The following VMP1 variants were observed in gnomAD, a reference collection of about 807,000 sequenced individuals.
VMP1 encodes the protein ectopic P-granules autophagy protein 3 homolog.
Under a neutral mutation model 56.0 loss-of-function variants are expected in VMP1, and 11 were observed. The observed-to-expected ratio is 0.20, with a 90% CI of 0.12 to 0.32. The LOEUF (loss-of-function observed/expected upper bound fraction) is 0.32. Ranked by LOEUF, VMP1 falls within the 10% of genes least tolerant of loss-of-function variation. VMP1 has a pLI of 1.00. For missense variants in VMP1, 296 were observed against 490.3 expected, an observed-to-expected ratio of 0.60 and a Z score of 3.74; for synonymous variants, 149 against 165.0, an observed-to-expected ratio of 0.90 and a Z score of 0.74.
chr17:59,824,571 T>TAA (rs35033232), intron 10 of VMP1, among the ~76,000 whole-genome samples: 48 of 95,578 alleles, frequency 5.0e-4, no homozygotes, highest in South Asian at 1.0e-3. Flanking sequence ...AGACTCCTTC[T>TAA]AAAAAAAAAA....
At chr17:59,794,923 A>G (rs979869187) in intron 7 of VMP1, among the ~76,000 whole-genome samples, 1 of 151,964 alleles carries the variant, frequency 6.6e-6, no homozygotes, top group Non-Finnish European at 1.5e-5. Flanking sequence ...GAGAAGTAAT[A>G]GCACCCATTT....
intron 9 of VMP1, among the ~76,000 whole-genome samples, chr17:59,812,277 G>T (rs1213257100): frequency 6.6e-6 from 1 of 152,012 alleles, no homozygotes; most frequent in Non-Finnish European, 1.5e-5. Flanking sequence ...ATCCTTTACC[G>T]AAAAACAGCC....
At chr17:59,808,080 A>T (rs16943877) in intron 7 of VMP1, among the ~76,000 whole-genome samples, 5,620 of 152,274 alleles carry the variant, frequency 0.037, 373 homozygotes, top group African/African-American at 0.13. Flanking sequence ...AGCCGAATGC[A>T]TGTTTCAGCA....
At chr17:59,750,543 C>T (rs2035600414) in intron 5 of VMP1, among the ~76,000 whole-genome samples, 1 of 152,106 alleles carries the variant, frequency 6.6e-6, no homozygotes, top group East Asian at 1.9e-4. Context: ...CTCAGGTGAT[C>T]CACCCACCTC....
intron 5 of VMP1, among the ~76,000 whole-genome samples, chr17:59,747,320 G>A (rs2035458214): frequency 6.6e-6 from 1 of 152,158 alleles, no homozygotes; most frequent in African/African-American, 2.4e-5. Flanking sequence ...CACATTGGGA[G>A]AGGGAGGCAG....
chr17:59,746,037 AGTAAGTTATAATTG>A (rs2035411761), intron 5 of VMP1, among the ~76,000 whole-genome samples: 1 of 152,252 alleles, frequency 6.6e-6, no homozygotes, highest in African/African-American at 2.4e-5. Context: ...AGTATCATTT[AGTAAGTTATAATTG>A]GTTGTATACT....
intron 5 of VMP1, among the ~76,000 whole-genome samples, chr17:59,762,811 T>G (rs2036104975): frequency 6.6e-6 from 1 of 152,166 alleles, no homozygotes; most frequent in Non-Finnish European, 1.5e-5. Context: ...AAAATTTCCC[T>G]TTTCAGAATA....
At chr17:59,728,866 C>T (rs942379207) in intron 1 of VMP1, among the ~76,000 whole-genome samples, 2 of 152,144 alleles carry the variant, frequency 1.3e-5, no homozygotes, top group African/African-American at 4.8e-5. Flanking sequence ...ATATTCACAT[C>T]TATGCAACTA....
At chr17:59,803,361 TGTA>T (rs1383934839) in intron 7 of VMP1, among the ~76,000 whole-genome samples, 7 of 152,216 alleles carry the variant, frequency 4.6e-5, no homozygotes, top group African/African-American at 1.7e-4. Context: ...TTATTAGTCT[TGTA>T]GTGCTTGGGA....
chr17:59,732,892 G>A (rs905326425), intron 2 of VMP1, among the ~76,000 whole-genome samples: 1 of 152,142 alleles, frequency 6.6e-6, no homozygotes, highest in South Asian at 2.1e-4. Flanking sequence ...CTTAGGCTGG[G>A]CGTGGTGATT....
intron 1 of VMP1, among the ~76,000 whole-genome samples, chr17:59,715,456 A>G (rs2143711510): frequency 6.6e-6 from 1 of 152,244 alleles, no homozygotes; most frequent in South Asian, 2.1e-4. Context: ...TCTCGTGAGA[A>G]CTCACTCACT....
At chr17:59,780,856 G>A (rs1364978487) in intron 7 of VMP1, among the ~76,000 whole-genome samples, 2 of 152,072 alleles carry the variant, frequency 1.3e-5, no homozygotes, top group East Asian at 3.9e-4. Context: ...CCAGAGTGCT[G>A]GGATTACAGG....
chr17:59,770,419 C>T (rs2036381857), intron 6 of VMP1, among the ~76,000 whole-genome samples: 1 of 152,094 alleles, frequency 6.6e-6, no homozygotes, highest in African/African-American at 2.4e-5. Context: ...CTTTCTCATT[C>T]TCTTCTCAAT....
chr17:59,801,120 GT>G (rs2037643552), intron 7 of VMP1, among the ~76,000 whole-genome samples: 2 of 132,180 alleles, frequency 1.5e-5, no homozygotes, highest in East Asian at 2.0e-4. Context: ...ATATGTGTGT[GT>G]GTGTGTGTGT....
intron 1 of VMP1, among the ~76,000 whole-genome samples, chr17:59,718,679 G>A (rs1027910563): frequency 6.6e-6 from 1 of 151,674 alleles, no homozygotes; most frequent in Non-Finnish European, 1.5e-5. Context: ...AATTGTTTTT[G>A]TTTGTTTGTT....
chr17:59,751,949 G>A (rs2035668281), intron 5 of VMP1, among the ~76,000 whole-genome samples: 1 of 151,874 alleles, frequency 6.6e-6, no homozygotes, highest in Non-Finnish European at 1.5e-5. Context: ...CAGGTAGCTG[G>A]GACTACAGGT....
Position 59,842,235 on chromosome 17 carries a change from A to G in VMP1, c.*2324A>G, listed in dbSNP as rs549481356. The G allele has an allele frequency of 6.6e-6, 1 of 152,232 alleles. No homozygotes were observed. 9.4% of individuals were successfully genotyped at this position (152,232 alleles called of 1,614,324 possible). A position where few individuals can be genotyped will look rare whatever the true frequency, so the allele number is the denominator to read the frequency against. On this transcript the variant is annotated 3_prime_UTR_variant, in exon 12 of 12. Transcript: ENST00000262291. ...CTGTAAATAAAAAGAGGGCCTGGGAATTCTTGCGATTCCATCTCTACTTTG... is the reference window on the plus strand; with the variant it reads ...CTGTAAATAAAAAGAGGGCCTGGGAGTTCTTGCGATTCCATCTCTACTTTG...
intron 5 of VMP1, among the ~76,000 whole-genome samples, chr17:59,739,397 G>A (rs980383424): frequency 6.6e-6 from 1 of 152,280 alleles, no homozygotes; most frequent in South Asian, 2.1e-4. Flanking sequence ...AGAACTAAAT[G>A]CTTTCTTGAG....
intron 5 of VMP1, among the ~76,000 whole-genome samples, chr17:59,753,226 C>T (rs984974522): frequency 2.0e-5 from 3 of 151,602 alleles, no homozygotes; most frequent in Non-Finnish European, 4.4e-5. Flanking sequence ...AGGTTATGAT[C>T]GCGCCACTGC....
Sources: gnomAD v4.1 joint callset for allele counts (sites outside exome capture counted in the v4.1 genomes callset) on GRCh38, gnomAD v4.1.1 for gene constraint, MANE v1.5 for transcripts, NCBI Gene and HGNC (gene_info 2026-07-23, HGNC 2026-07-21) for gene names.